TRIO: variants seen among roughly 807,000 people sequenced by gnomAD.
The protein encoded by TRIO is triple functional domain protein.
Under a neutral mutation model 351.9 loss-of-function variants are expected in TRIO, and 58 were observed. The ratio of observed to expected loss-of-function variants is 0.16; its 90% confidence interval spans 0.13 to 0.21. The LOEUF is 0.21. TRIO is among the 10% of genes least tolerant of loss of function. TRIO has a pLI of 1.00. For synonymous variants in TRIO, 1,758 were observed against 1,595.7 expected, an observed-to-expected ratio of 1.10 and a Z score of -2.42; for missense variants, 3,201 against 4,027.8, an observed-to-expected ratio of 0.79 and a Z score of 5.56.
intron 5 of TRIO, 117 bp from the exon 6 acceptor site, chr5:14,292,895 C>T (rs779045894): frequency 5.5e-5 from 78 of 1,418,604 alleles, no homozygotes; most frequent in Admixed American, 4.3e-4. Context: ...AATCAGACAG[C>T]GCTTGAAGTT....
chr5:14,221,143 A>G (rs1449652794), intron 1 of TRIO, among the ~76,000 whole-genome samples: 1 of 152,220 alleles, frequency 6.6e-6, no homozygotes, highest in Non-Finnish European at 1.5e-5. Context: ...ACATGGAACA[A>G]CAAAGCCTGG....
At chr5:14,159,305 T>C (rs1272902501) in intron 1 of TRIO, among the ~76,000 whole-genome samples, 1 of 140,848 alleles carries the variant, frequency 7.1e-6, no homozygotes, top group South Asian at 2.4e-4. Flanking sequence ...GGGTTAACTT[T>C]TCAGGAAATC....
At chr5:14,219,030 G>C (rs568121816) in intron 1 of TRIO, among the ~76,000 whole-genome samples, 1 of 152,254 alleles carries the variant, frequency 6.6e-6, no homozygotes, top group East Asian at 1.9e-4. Context: ...TCAGAGACTT[G>C]GTCAAGGTGA....
Position 14,476,939 on chromosome 5 carries a change from A to G in TRIO, c.6129A>G (p.Lys2043=), listed in dbSNP as rs1243220719. 7 of 1,613,868 alleles carry G rather than the reference A, an allele frequency of 4.3e-6. No individual in the cohort carries two copies. In the East Asian group the frequency reaches 1.1e-4, roughly 26 times the overall value. Residue 2043 remains lysine, a synonymous_variant, in exon 41 of 57, where the codon AAA becomes AAG. Transcript: ENST00000344204. Reference sequence around the variant, plus strand: ...AGAAGTGCCTTGAAGATCCAGAAAAACTAGGATCCCTTTTTGTTAAACACG... The same window carrying G: ...AGAAGTGCCTTGAAGATCCAGAAAAGCTAGGATCCCTTTTTGTTAAACACG... ...ELEKCLEDPE[K]LGSLFVKHER...
At chr5:14,380,541 C>T (rs1746010288) in intron 20 of TRIO, among the ~76,000 whole-genome samples, 2 of 152,160 alleles carry the variant, frequency 1.3e-5, no homozygotes, top group Non-Finnish European at 2.9e-5. Flanking sequence ...TGAAAAGGCT[C>T]ATAGTAGTGG....
intron 1 of TRIO, among the ~76,000 whole-genome samples, chr5:14,229,809 ATACT>A (rs1793293102): frequency 6.6e-6 from 1 of 152,242 alleles, no homozygotes; most frequent in African/African-American, 2.4e-5. Context: ...TCATTTATAA[ATACT>A]TATTTAAATG....
chr5:14,497,832 C>T lies in TRIO; in HGVS notation c.8020-15C>T, dbSNP rs1757000445. ...GCTCATTTCAGTTAATGCTTGTTTG[C>T]TGTTTCCATTTCAGCTTCTCAATCC... On this transcript the variant is annotated splice_polypyrimidine_tract_variant and intron_variant, in intron 50 of 56. Transcript: ENST00000344204. This position sits in a 1 kb window ranked among gnomAD's most constrained non-coding sequence, Gnocchi z 4.4. 3 of 1,614,172 alleles carry T rather than the reference C, an allele frequency of 1.9e-6. No individual in the cohort carries two copies. The highest frequency in any genetic ancestry group is 2.5e-6 in the Non-Finnish European group (3 of 1,180,012).
chr5:14,478,357 A>C lies in TRIO; in HGVS notation c.6154-904A>C, dbSNP rs371434753. On this transcript the variant is annotated intron_variant, in intron 41 of 56. Coordinates refer to ENST00000344204, the MANE Select transcript of TRIO (RefSeq NM_007118.4). ...TGCCAAGGTGCCAGCAATTTCACCC[A>C]CCATTGGTTTTGCACATCAGCACAG... Among the ~76,000 whole-genome samples the C allele has an allele frequency of 2.0e-5, 3 of 152,284 alleles. No individual in the cohort carries two copies. The East Asian group carries it at 5.8e-4, about 29-fold the overall frequency.
intron 43 of TRIO, among the ~76,000 whole-genome samples, chr5:14,480,339 A>G (rs901506810): frequency 1.3e-5 from 2 of 152,164 alleles, no homozygotes; most frequent in African/African-American, 2.4e-5. Context: ...ACTTCAAACA[A>G]TTTTCTCAAT....
chr5:14,364,436 G>A (rs777474112), intron 14 of TRIO, among the ~76,000 whole-genome samples: 8 of 152,238 alleles, frequency 5.3e-5, no homozygotes, highest in Non-Finnish European at 1.2e-4. Context: ...CTAGTTATCA[G>A]TGTGGGAGTA....
chr5:14,270,245 G>C (rs962042722), intron 1 of TRIO, among the ~76,000 whole-genome samples: 1 of 152,150 alleles, frequency 6.6e-6, no homozygotes, highest in East Asian at 1.9e-4. Flanking sequence ...GCACTGGGCC[G>C]TATGACCACA....
At chr5:14,298,925 T>C (rs1291718177) in intron 7 of TRIO, among the ~76,000 whole-genome samples, 6 of 152,236 alleles carry the variant, frequency 3.9e-5, no homozygotes, top group African/African-American at 1.4e-4. Context: ...CCGATCCTTA[T>C]CGTTGTACAA....
At chr5:14,254,589 C>T (rs577145374) in intron 1 of TRIO, among the ~76,000 whole-genome samples, 181 of 152,218 alleles carry the variant, frequency 1.2e-3, no homozygotes, top group Admixed American at 2.9e-3. Flanking sequence ...ATCTTTCTAC[C>T]GTTGGTCTTG....
intron 41 of TRIO, among the ~76,000 whole-genome samples, chr5:14,477,937 T>C (rs900422648): frequency 6.6e-6 from 1 of 152,250 alleles, no homozygotes; most frequent in African/African-American, 2.4e-5. Context: ...AATTTTTTGC[T>C]TGAAAGCTGT....
In TRIO at chr5:14,472,636, G is replaced by A. The variant is rs1349917608; in HGVS notation, c.5957G>A (p.Arg1986Gln). 7 of 1,613,898 alleles carry A rather than the reference G, an allele frequency of 4.3e-6. No individual in the cohort carries two copies. The highest frequency in any genetic ancestry group is 4.5e-5 in the East Asian group (2 of 44,892). ...ELVETERDYV[R>Q]DLGYVVEGYM... ...GTGGAGACAGAGCGTGACTATGTGCGGGACCTTGGCTATGTGGTTGAGGTG... is the reference window on the plus strand; with the variant it reads ...GTGGAGACAGAGCGTGACTATGTGCAGGACCTTGGCTATGTGGTTGAGGTG... The change falls in exon 39 of 57, where the codon CGG (arginine) becomes CAG (glutamine). Residue 1986 changes from arginine to glutamine, a missense_variant. Physicochemically the swap from Arg to Gln is conservative, Grantham distance 43. This residue lies in a region of TRIO where 307 missense variants were observed against 396.5 expected (regional missense o/e 0.77). Transcript: ENST00000344204.
At chr5:14,194,777 T>A (rs767702402) in intron 1 of TRIO, among the ~76,000 whole-genome samples, 5 of 152,266 alleles carry the variant, frequency 3.3e-5, no homozygotes, top group Non-Finnish European at 7.3e-5. Flanking sequence ...CATATATGCA[T>A]ACGTCTTTTA....
chr5:14,429,341 C>A (rs1192684867), intron 34 of TRIO, among the ~76,000 whole-genome samples: 1 of 152,196 alleles, frequency 6.6e-6, no homozygotes, highest in Non-Finnish European at 1.5e-5. Flanking sequence ...ATGTTCCTTT[C>A]TCTGTTCAGA....
intron 1 of TRIO, among the ~76,000 whole-genome samples, chr5:14,229,186 T>C (rs1199890164): frequency 6.6e-6 from 1 of 151,822 alleles, no homozygotes; most frequent in Non-Finnish European, 1.5e-5. Context: ...GTTCATACCC[T>C]GATCTAGAAC....
chr5:14,223,535 C>T (rs541127588), intron 1 of TRIO, among the ~76,000 whole-genome samples: 2 of 152,242 alleles, frequency 1.3e-5, no homozygotes, highest in South Asian at 4.2e-4. Context: ...GCCTAGGTGA[C>T]CCTGCTTGGC....
Sources: gnomAD v4.1 joint callset for allele counts (sites outside exome capture counted in the v4.1 genomes callset) on GRCh38, gnomAD v4.1.1 for gene constraint, gnomAD v4.1.1 regional missense constraint, Gnocchi (gnomAD v3.1) non-coding constraint, MANE v1.5 for transcripts, NCBI Gene and HGNC (gene_info 2026-07-23, HGNC 2026-07-21) for gene names.